RPAP3: variants seen among roughly 807,000 people sequenced by gnomAD.
The protein encoded by RPAP3 is RNA polymerase II associated protein 3, also known as RNA polymerase II-associated protein 3.
A neutral mutation model predicts 88.8 loss-of-function variants in RPAP3; 58 were observed. The observed-to-expected ratio is 0.65, with a 90% CI of 0.53 to 0.81. The LOEUF is 0.81. Among genes scored for constraint, RPAP3 ranks in the 40% least tolerant of loss-of-function variants. RPAP3 has a pLI of 0.00. For synonymous variants in RPAP3, 255 were observed against 259.9 expected, an observed-to-expected ratio of 0.98 and a Z score of 0.18; for missense variants, 751 against 764.3, an observed-to-expected ratio of 0.98 and a Z score of 0.20.
chr12:47,672,482 A>T (rs1939019689), intron 12 of RPAP3, among the ~76,000 whole-genome samples: 1 of 152,244 alleles, frequency 6.6e-6, no homozygotes, highest in African/African-American at 2.4e-5. Context: ...TCTGTGAGTT[A>T]TTCTCAATTT....
chr12:47,672,850 G>A (rs1939027214), intron 12 of RPAP3, among the ~76,000 whole-genome samples: 1 of 151,980 alleles, frequency 6.6e-6, no homozygotes, highest in South Asian at 2.1e-4. Flanking sequence ...CAAGAAGGTG[G>A]GCCCAACATA....
At chr12:47,686,573 CACACT>C (rs1413319256) in intron 9 of RPAP3, among the ~76,000 whole-genome samples, 4 of 151,702 alleles carry the variant, frequency 2.6e-5, no homozygotes, top group East Asian at 1.9e-4. Flanking sequence ...CACACACACA[CACACT>C]ACTTTTCCCC....
chr12:47,680,237 A>T (rs1939197468), intron 10 of RPAP3, among the ~76,000 whole-genome samples: 1 of 152,164 alleles, frequency 6.6e-6, no homozygotes, highest in African/African-American at 2.4e-5. Flanking sequence ...CTTACATAGG[A>T]TATCTAGAAC....
At chr12:47,701,673 G>A in intron 2 of RPAP3, 69 bp from the exon 3 acceptor site, 1 of 1,218,824 alleles carries the variant, frequency 8.2e-7, no homozygotes, top group Non-Finnish European at 1.1e-6. Context: ...AACTAGCTAT[G>A]TTTAAAATTC....
At chr12:47,674,779 C>T (rs917750209) in intron 12 of RPAP3, among the ~76,000 whole-genome samples, 2 of 152,230 alleles carry the variant, frequency 1.3e-5, no homozygotes, top group Admixed American at 6.5e-5. Flanking sequence ...GATTGGTGTA[C>T]CTGAAAGTGA....
chr12:47,696,215 T>C, intron 5 of RPAP3, 61 bp downstream of exon 5: 1 of 1,331,930 alleles, frequency 7.5e-7, no homozygotes, highest in African/African-American at 1.5e-5. Flanking sequence ...CACTTTTTTT[T>C]AATAAGTCTC....
intron 13 of RPAP3, 145 bp from the exon 14 acceptor site, chr12:47,669,247 T>G: frequency 1.8e-6 from 1 of 542,390 alleles, no homozygotes; most frequent in Non-Finnish European, 3.2e-6. Flanking sequence ...TTATTTCAGC[T>G]AATAATATAT....
chr12:47,697,691 T>C lies in RPAP3; in HGVS notation c.323A>G (p.Asp108Gly). ...AGACAGAGACTCATGGGTACTATCG[T>C]CTTTGTCAAGCTCATCAAGGATACG... The part of the protein sequence containing the change: ...VDRILDELDK[D>G]DSTHESLSQE... The change falls in exon 4 of 17, where the codon GAC becomes GGC. Residue 108 changes from aspartate to glycine, a missense_variant. Physicochemically the swap from Asp to Gly is moderately conservative, Grantham distance 94. Coordinates refer to ENST00000005386, the MANE Select transcript of RPAP3 (RefSeq NM_024604.3). The C allele has an allele frequency of 6.2e-7, 1 of 1,606,974 alleles. No individual in the cohort carries two copies.
Position 47,661,754 on chromosome 12 carries a change from CT to C in RPAP3, c.*1750del, listed in dbSNP as rs1424153444. 1.3e-5 allele frequency: 2 copies of C among 152,226 alleles called. No individual in the cohort carries two copies. The allele number at this position is 152,226 out of a possible 1,614,324, so 9.4% of individuals were successfully genotyped here. A position where few individuals can be genotyped will look rare whatever the true frequency, so the allele number is the denominator to read the frequency against. On this transcript the variant is annotated 3_prime_UTR_variant, in exon 17 of 17. Coordinates refer to ENST00000005386, the MANE Select transcript of RPAP3 (RefSeq NM_024604.3). Reference sequence around the variant, plus strand: ...CTACATTAAGAGAAGACAGCACGTTCTGAACTGTTTTGGCCAATTTTTAGCT... The same window carrying C: ...CTACATTAAGAGAAGACAGCACGTTCGAACTGTTTTGGCCAATTTTTAGCT...
chr12:47,672,435 A>C (rs989290049), intron 12 of RPAP3, among the ~76,000 whole-genome samples: 2 of 152,208 alleles, frequency 1.3e-5, no homozygotes, highest in Non-Finnish European at 1.5e-5. Flanking sequence ...AAATTGCCTC[A>C]GCATTTATGC....
chr12:47,668,903 T>G lies in RPAP3; in HGVS notation c.1713+13A>C. The G allele has an allele frequency of 6.3e-7, 1 of 1,594,902 alleles. No individual in the cohort carries two copies. The highest frequency in any genetic ancestry group is 8.6e-7 in the Non-Finnish European group (1 of 1,162,616). On this transcript the variant is annotated intron_variant, in intron 14 of 16. Transcript: ENST00000005386. ...TTTACTTACAACAGAAGTACTACCT[T>G]CCTCTCTCTTACCTTTAAATACTGA...
Position 47,701,516 on chromosome 12 carries a change from G to A in RPAP3, c.242C>T (p.Thr81Ile). 6.3e-7 allele frequency: 1 copy of A among 1,594,110 alleles called. No individual in the cohort carries two copies. Among genetic ancestry groups the A allele is most frequent in the Middle Eastern group, 1.7e-4 (1 of 6,004 alleles). Reference protein sequence around the residue: ...ESSKKTREENTKNRIKSYDYE... With the variant: ...ESSKKTREENIKNRIKSYDYE... ...ATCATAAGATTTTATCCTGTTTTTT[G>A]TGTTTTCCTCTCTGGTTTTTTTGGA... The change falls in exon 3 of 17, where the codon ACA becomes ATA. Residue 81 changes from threonine to isoleucine, a missense_variant. Coordinates refer to ENST00000005386, the MANE Select transcript of RPAP3 (RefSeq NM_024604.3).
Position 47,687,989 on chromosome 12 carries a change from T to C in RPAP3, c.751A>G (p.Lys251Glu). 1.2e-6 allele frequency: 2 copies of C among 1,612,728 alleles called. No individual in the cohort carries two copies. The highest frequency in any genetic ancestry group is 8.5e-7 in the Non-Finnish European group (1 of 1,179,362). Reference protein sequence around the residue: ...LRKISQALASKENSYPKEADI... With the variant: ...LRKISQALASEENSYPKEADI... ...GCTTCCTTTGGATATGAGTTTTCTT[T>C]GGATGCTAAAGCCTAGGAGACATAG... The change falls in exon 8 of 17, where the codon AAA becomes GAA. Residue 251 changes from lysine (K) to glutamate (E), a missense_variant. By Grantham distance (56) the Lys-to-Glu change is moderately conservative. Transcript: ENST00000005386.
At chr12:47,694,582 T>C (rs377439050) in intron 5 of RPAP3, among the ~76,000 whole-genome samples, 1 of 149,846 alleles carries the variant, frequency 6.7e-6, no homozygotes, top group African/African-American at 2.5e-5. Context: ...TGAGAGAAGA[T>C]AGTTATTATG....
chr12:47,696,070 G>A, intron 5 of RPAP3: 2 of 368,384 alleles, frequency 5.4e-6, no homozygotes, highest in Non-Finnish European at 9.5e-6. Context: ...AGTGAGCTAT[G>A]GGAACAAGGT....
chr12:47,685,684 G>A (rs1056889465), intron 9 of RPAP3, among the ~76,000 whole-genome samples: 1 of 152,160 alleles, frequency 6.6e-6, no homozygotes, highest in Non-Finnish European at 1.5e-5. Context: ...TCAGTACGTG[G>A]AAGATGTGTC....
At chr12:47,693,915 A>G (rs1028983894) in intron 5 of RPAP3, among the ~76,000 whole-genome samples, 1 of 152,240 alleles carries the variant, frequency 6.6e-6, no homozygotes, top group African/African-American at 2.4e-5. Context: ...AAATTGTAAG[A>G]CTGTTTTCAA....
intron 4 of RPAP3, among the ~76,000 whole-genome samples, 185 bp downstream of exon 4, chr12:47,697,412 G>C (rs953390766): frequency 6.6e-6 from 1 of 152,238 alleles, no homozygotes; most frequent in East Asian, 1.9e-4. Flanking sequence ...TTTGAACCCA[G>C]GTAATCTGGC....
chr12:47,688,288 G>GACATAAAC (rs1374135735), intron 7 of RPAP3, among the ~76,000 whole-genome samples: 1 of 150,432 alleles, frequency 6.6e-6, no homozygotes, highest in Non-Finnish European at 1.5e-5. Context: ...GGTACACATG[G>GACATAAAC]ACATAAACAG....
Sources: allele counts gnomAD v4.1 joint callset (sites outside exome capture counted in the v4.1 genomes callset), GRCh38; gene constraint gnomAD v4.1.1; transcripts MANE v1.5; gene names NCBI Gene and HGNC (gene_info 2026-07-23, HGNC 2026-07-21).